The following RBFOX1 variants were observed in gnomAD, a reference collection of about 807,000 sequenced individuals.
RBFOX1 encodes RNA binding protein fox-1 homolog 1.
In RBFOX1, 8 loss-of-function variants were observed where a neutral mutation model predicts 57.7. The ratio of observed to expected loss-of-function variants is 0.14; its 90% CI spans 0.08 to 0.25. RBFOX1 has a LOEUF of 0.25. Among genes scored for constraint, RBFOX1 ranks in the 10% least tolerant of loss-of-function variants. The probability of loss-of-function intolerance (pLI) is 1.00; values close to 1 mark genes in which losing one functional copy is unlikely to be tolerated. For missense variants in RBFOX1, 611 were observed against 548.5 expected, an observed-to-expected ratio of 1.11 and a Z score of -1.14; for synonymous variants, 326 against 222.4, an observed-to-expected ratio of 1.47 and a Z score of -4.15.
At chr16:6,997,184 A>G (rs769198247) in intron 3 of RBFOX1, among the ~76,000 whole-genome samples, 2 of 152,038 alleles carry the variant, frequency 1.3e-5, no homozygotes, top group Admixed American at 6.6e-5. Context: ...TTATCTTAGC[A>G]TTTTCCCCCA....
Position 6,835,745 on chromosome 16 carries a change from C to A in RBFOX1, c.-16+181095C>A, listed in dbSNP as rs535260223. ...CTCCAGCCTGGGTGATAGAGTAAGACTCTGCTTAAAAAAAAAAAAAAAAAA... is the reference window on the plus strand; with the variant it reads ...CTCCAGCCTGGGTGATAGAGTAAGAATCTGCTTAAAAAAAAAAAAAAAAAA... On this transcript the variant is annotated intron_variant, in intron 3 of 15. Coordinates refer to ENST00000550418, the MANE Select transcript of RBFOX1 (RefSeq NM_018723.4). Among the ~76,000 whole-genome samples the A allele has an allele frequency of 5.8e-5, 6 of 104,346 alleles. No individual in the cohort carries two copies. In the South Asian group the frequency reaches 2.3e-3, roughly 40 times the overall value. 68.5% of individuals were successfully genotyped at this position (104,346 alleles called of 152,430 possible). A position where few individuals can be genotyped will look rare whatever the true frequency, so the allele number is the denominator to read the frequency against.
intron 1 of RBFOX1, among the ~76,000 whole-genome samples, chr16:5,377,063 A>G (rs1412740659): frequency 2.0e-5 from 3 of 151,694 alleles, no homozygotes; most frequent in South Asian, 2.1e-4. Context: ...CCAAGGAACC[A>G]GAAACCATCC....
At chr16:6,840,904 AC>A (rs1217586090) in intron 3 of RBFOX1, among the ~76,000 whole-genome samples, 11 of 145,932 alleles carry the variant, frequency 7.5e-5, no homozygotes, top group Non-Finnish European at 1.3e-4. Context: ...AAAAAAAAAA[AC>A]GAAAAAAGGT....
At chr16:5,989,936 G>T (rs2060362686) in intron 4 of RBFOX1, among the ~76,000 whole-genome samples, 1 of 151,030 alleles carries the variant, frequency 6.6e-6, no homozygotes, top group South Asian at 2.1e-4. Flanking sequence ...GCTAAATCCA[G>T]AGGAAGCCAG....
rs117302760 is a variant in RBFOX1 at position 5,315,481 on chromosome 16, G to A, written c.219+75376G>A. On this transcript the variant is annotated intron_variant, in intron 1 of 2. Transcript: ENST00000585867. ...GGAGTTTCTTGGAGCAGCTCCCGGGGAACGGGGTCTGCGTAGCTGCACCCC... is the reference window on the plus strand; with the variant it reads ...GGAGTTTCTTGGAGCAGCTCCCGGGAAACGGGGTCTGCGTAGCTGCACCCC... 3.0e-3 allele frequency among the ~76,000 whole-genome samples: 461 copies of A among 152,258 alleles called. 2 individuals carry two copies. The highest frequency in any genetic ancestry group is 5.8e-3 in the Non-Finnish European group (394 of 68,022).
At chr16:6,789,598 C>CA (rs1408121729) in intron 3 of RBFOX1, among the ~76,000 whole-genome samples, 1 of 152,162 alleles carries the variant, frequency 6.6e-6, no homozygotes, top group Non-Finnish European at 1.5e-5. Context: ...CTGTTTGACT[C>CA]AGTGCTGTGC....
intron 4 of RBFOX1, among the ~76,000 whole-genome samples, chr16:7,455,005 G>C (rs2058211861): frequency 6.6e-6 from 1 of 152,120 alleles, no homozygotes; most frequent in African/African-American, 2.4e-5. Context: ...TTGCTCATGG[G>C]TTCATTTATT....
At chr16:7,155,740 C>CAG (rs1176472131) in intron 4 of RBFOX1, among the ~76,000 whole-genome samples, 1 of 99,586 alleles carries the variant, frequency 1.0e-5, no homozygotes, top group African/African-American at 5.0e-5. Flanking sequence ...TATATATATA[C>CAG]ACACACACAC....
chr16:6,578,017 G>T (rs1177302210), intron 2 of RBFOX1, among the ~76,000 whole-genome samples: 3 of 152,138 alleles, frequency 2.0e-5, no homozygotes, highest in African/African-American at 7.2e-5. Flanking sequence ...ACCCAACAGT[G>T]CTTATTTCAT....
chr16:7,574,300 TCA>T (rs935210227), intron 5 of RBFOX1, among the ~76,000 whole-genome samples: 1 of 152,174 alleles, frequency 6.6e-6, no homozygotes, highest in Non-Finnish European at 1.5e-5. Flanking sequence ...GACACCTGTA[TCA>T]GGGTTCTCTA....
intron 1 of RBFOX1, among the ~76,000 whole-genome samples, chr16:6,226,441 A>G (rs1035643933): frequency 7.9e-5 from 12 of 151,556 alleles, no homozygotes; most frequent in South Asian, 2.1e-4. Flanking sequence ...AAGCCTGTCT[A>G]TGTCTTTCCT....
chr16:6,149,672 A>T (rs1022800307), intron 1 of RBFOX1, among the ~76,000 whole-genome samples: 1 of 152,116 alleles, frequency 6.6e-6, no homozygotes, highest in Non-Finnish European at 1.5e-5. Context: ...GGTTGGGCAA[A>T]ATGTAGAATA....
intron 4 of RBFOX1, among the ~76,000 whole-genome samples, chr16:7,079,358 A>C (rs577525285): frequency 2.0e-5 from 3 of 152,138 alleles, no homozygotes; most frequent in African/African-American, 7.2e-5. Flanking sequence ...AGCAGAGGAA[A>C]GGTATGCTGA....
rs147971641 is a variant in RBFOX1, at chr16:6,101,856, C to T, written c.-127+81864C>T. On this transcript the variant is annotated intron_variant, in intron 1 of 15. Transcript: ENST00000550418. ...CCCTTGCCCTCATCTGCCGGGGCAG[C>T]TGTAGTGGGAATCTGTGGGGCCAGA... Among the ~76,000 whole-genome samples, 433 of 152,276 alleles carry T rather than the reference C, an allele frequency of 2.8e-3. 4 individuals carry two copies. The highest frequency in any genetic ancestry group is 9.8e-3 in the African/African-American group (408 of 41,550).
At chr16:6,605,057 A>G (rs2097907552) in intron 2 of RBFOX1, among the ~76,000 whole-genome samples, 1 of 152,076 alleles carries the variant, frequency 6.6e-6, no homozygotes. Flanking sequence ...CACATGCACA[A>G]CGTGTGTATT....
intron 3 of RBFOX1, among the ~76,000 whole-genome samples, chr16:6,863,416 A>G (rs534802895): frequency 6.6e-6 from 1 of 152,210 alleles, no homozygotes; most frequent in South Asian, 2.1e-4. Flanking sequence ...TAAAATTTAG[A>G]AAAGGCCCAT....
At chr16:6,730,826 A>T (rs967331197) in intron 3 of RBFOX1, among the ~76,000 whole-genome samples, 4 of 152,174 alleles carry the variant, frequency 2.6e-5, no homozygotes, top group African/African-American at 4.8e-5. Context: ...GTGGCTGAGG[A>T]GCAGAGCCGC....
At chr16:7,592,744 G>C (rs767851031) in intron 7 of RBFOX1, among the ~76,000 whole-genome samples, 3 of 152,176 alleles carry the variant, frequency 2.0e-5, no homozygotes, top group Non-Finnish European at 2.9e-5. Flanking sequence ...CTACATGTAA[G>C]CTCCAAGTAA....
chr16:5,281,093 A>G (rs1365976023), intron 1 of RBFOX1, among the ~76,000 whole-genome samples: 1 of 152,140 alleles, frequency 6.6e-6, no homozygotes, highest in East Asian at 1.9e-4. Context: ...CCCTCCTAGT[A>G]CTGCTTTTGC....
Sources: gnomAD v4.1 joint callset for allele counts (sites outside exome capture counted in the v4.1 genomes callset) on GRCh38, gnomAD v4.1.1 for gene constraint, MANE v1.5 for transcripts, NCBI Gene and HGNC (gene_info 2026-07-23, HGNC 2026-07-21) for gene names.